The following CPS1 variants were observed in gnomAD, a reference collection of about 807,000 sequenced individuals.
CPS1 encodes the protein carbamoyl-phosphate synthase 1.
In CPS1, 109 loss-of-function variants were observed where a neutral mutation model predicts 174.6. The observed-to-expected ratio is 0.62, with a 90% CI of 0.53 to 0.73. The LOEUF (loss-of-function observed/expected upper bound fraction) is 0.73, where lower values mean the gene tolerates loss of function less well. Among genes scored for constraint, CPS1 ranks in the 30% least tolerant of loss-of-function variants. CPS1 has a pLI of 0.00. For synonymous variants in CPS1, 637 were observed against 632.0 expected (o/e 1.01, Z -0.12); for missense variants, 1,689 against 1,821.9 (o/e 0.93, Z 1.33).
chr2:210,642,280 T>G (rs1339947301), intron 24 of CPS1, among the ~76,000 whole-genome samples: 1 of 152,254 alleles, frequency 6.6e-6, no homozygotes, highest in Non-Finnish European at 1.5e-5. Context: ...CAATATTTCC[T>G]TGCTGTTTAA....
At chr2:210,677,830 A>G in intron 37 of CPS1, 57 bp from the exon 38 acceptor site, 1 of 1,340,768 alleles carries the variant, frequency 7.5e-7, no homozygotes, top group African/African-American at 1.4e-5. Flanking sequence ...GTCTTCATTC[A>G]TTAAAAATTC....
chr2:210,671,940 C>T (rs1003481038), intron 34 of CPS1: 2 of 152,048 alleles, frequency 1.3e-5, no homozygotes, highest in Non-Finnish European at 2.9e-5. Context: ...TGATTTTAGC[C>T]AAGGTTAATG....
chr2:210,506,576 T>C (rs1695292321), intron 1 of CPS1, among the ~76,000 whole-genome samples: 1 of 151,646 alleles, frequency 6.6e-6, no homozygotes, highest in South Asian at 2.1e-4. Context: ...ATCAAACTAC[T>C]CCAAGCTAAA....
chr2:210,668,076 A>G (rs139869007), intron 33 of CPS1, 110 bp from the exon 34 acceptor site: 54 of 664,166 alleles, frequency 8.1e-5, no homozygotes, highest in East Asian at 2.6e-4. Flanking sequence ...TTGTGCGTGC[A>G]TGTGTGTGTG....
intron 33 of CPS1, 87 bp from the exon 34 acceptor site, chr2:210,668,099 T>TGTGTGC: frequency 1.3e-6 from 1 of 772,020 alleles, no homozygotes. Flanking sequence ...TGTGTGTGTG[T>TGTGTGC]GTGTGTATTT....
chr2:210,557,592 A>C (rs1696954495), intron 1 of CPS1, among the ~76,000 whole-genome samples: 1 of 152,050 alleles, frequency 6.6e-6, no homozygotes, highest in African/African-American at 2.4e-5. Flanking sequence ...CCTTCCTGCA[A>C]CTTTATGAAG....
At chr2:210,535,604 G>A (rs1362632060) in intron 1 of CPS1, among the ~76,000 whole-genome samples, 1 of 152,116 alleles carries the variant, frequency 6.6e-6, no homozygotes, top group Non-Finnish European at 1.5e-5. Flanking sequence ...GATCAAAGCT[G>A]ATGAATGACA....
intron 1 of CPS1, among the ~76,000 whole-genome samples, chr2:210,571,940 A>C (rs1168665627): frequency 6.7e-6 from 1 of 149,306 alleles, no homozygotes; most frequent in Non-Finnish European, 1.5e-5. Context: ...GTGGGGTGGC[A>C]AGATTTAAAA....
intron 1 of CPS1, among the ~76,000 whole-genome samples, chr2:210,537,957 T>TCA (rs2106008979): frequency 6.6e-6 from 1 of 152,334 alleles, no homozygotes; most frequent in South Asian, 2.1e-4. Flanking sequence ...GCTATACAGA[T>TCA]CAGGTATCAT....
chr2:210,615,595 C>T (rs1025355514), intron 20 of CPS1, among the ~76,000 whole-genome samples: 1 of 151,754 alleles, frequency 6.6e-6, no homozygotes, highest in African/African-American at 2.4e-5. Flanking sequence ...TATACACGTA[C>T]ACATACACAC....
At chr2:210,594,689 G>A in intron 12 of CPS1, 83 bp downstream of exon 12, 1 of 896,230 alleles carries the variant, frequency 1.1e-6, no homozygotes, top group South Asian at 1.4e-5. Flanking sequence ...AGTGATGTAA[G>A]GCATACTAGT....
chr2:210,558,236 A>G (rs891198482), intron 1 of CPS1, among the ~76,000 whole-genome samples: 1 of 152,022 alleles, frequency 6.6e-6, no homozygotes, highest in Non-Finnish European at 1.5e-5. Flanking sequence ...AATGTATCCA[A>G]TTTTACTCTT....
intron 33 of CPS1, among the ~76,000 whole-genome samples, chr2:210,664,532 T>C (rs2105927784): frequency 6.6e-6 from 1 of 152,128 alleles, no homozygotes; most frequent in East Asian, 1.9e-4. Flanking sequence ...AGAGATGGCG[T>C]TTCTCCATGT....
At chr2:210,486,070 G>GTATATATATGTGTATATA (rs1694706849) in intron 1 of CPS1, among the ~76,000 whole-genome samples, 1 of 122,366 alleles carries the variant, frequency 8.2e-6, no homozygotes, top group Non-Finnish European at 1.8e-5. Flanking sequence ...ATATATATAT[G>GTATATATATGTGTATATA]TATATATATG....
At chr2:210,497,551 C>G (rs970180732) in intron 1 of CPS1, among the ~76,000 whole-genome samples, 1 of 151,982 alleles carries the variant, frequency 6.6e-6, no homozygotes, top group Non-Finnish European at 1.5e-5. Context: ...TACCTCTCTC[C>G]CCACTCCAAC....
chr2:210,511,133 A>G (rs1051808975), intron 1 of CPS1, among the ~76,000 whole-genome samples: 30 of 152,270 alleles, frequency 2.0e-4, no homozygotes, highest in Non-Finnish European at 4.1e-4. Context: ...AACCAACCCA[A>G]ATGTCCAACA....
intron 19 of CPS1, 74 bp from the exon 20 acceptor site, chr2:210,612,043 A>G: frequency 7.7e-7 from 1 of 1,295,062 alleles, no homozygotes; most frequent in Non-Finnish European, 1.1e-6. Flanking sequence ...AATATATTTT[A>G]CGTCCAGTTC....
chr2:210,627,265 C>A (rs1352388081), intron 21 of CPS1, among the ~76,000 whole-genome samples: 2 of 152,058 alleles, frequency 1.3e-5, no homozygotes, highest in African/African-American at 4.8e-5. Context: ...TTCAAGGGTA[C>A]AAAGACCCAG....
chr2:210,586,714 ATC>A (rs1459814183), intron 6 of CPS1, among the ~76,000 whole-genome samples: 2 of 152,078 alleles, frequency 1.3e-5, no homozygotes, highest in African/African-American at 4.8e-5. Context: ...CTGTGTTTTT[ATC>A]TGTGTCCAAT....
Sources: allele counts gnomAD v4.1 joint callset (sites outside exome capture counted in the v4.1 genomes callset), GRCh38; gene constraint gnomAD v4.1.1; transcripts MANE v1.5; gene names NCBI Gene and HGNC (gene_info 2026-07-23, HGNC 2026-07-21).